The following ETFA variants were observed in gnomAD, a reference collection of about 807,000 sequenced individuals.
ETFA encodes electron transfer flavoprotein subunit alpha, also known as electron transfer flavoprotein subunit alpha, mitochondrial.
ETFA carries 22 observed loss-of-function variants against 46.2 expected under a neutral mutation model. The observed-to-expected ratio is 0.48, with a 90% CI of 0.34 to 0.68. The LOEUF (loss-of-function observed/expected upper bound fraction) is 0.68, where lower values mean the gene tolerates loss of function less well. ETFA is among the 30% of genes least tolerant of loss of function. The pLI is 0.01. For missense variants in ETFA, 345 were observed against 401.1 expected (o/e 0.86, Z 1.19); for synonymous variants, 131 against 139.9 (o/e 0.94, Z 0.45).
At chr15:76,264,128 A>T (rs2039447198) in intron 9 of ETFA, among the ~76,000 whole-genome samples, 1 of 152,264 alleles carries the variant, frequency 6.6e-6, no homozygotes, top group Admixed American at 6.5e-5. Flanking sequence ...TAAGTTTTAA[A>T]GGAATTTAAG....
chr15:76,292,463 G>A lies in ETFA; in HGVS notation c.319C>T (p.His107Tyr). ...LATQKQFNYT[H>Y]ICAGASAFGK... ...AAGGCAGATGCTCCAGCACAGATGTGTGTGTAATTGAACTGCTTCTGAGTT... is the reference window on the plus strand; with the variant it reads ...AAGGCAGATGCTCCAGCACAGATGTATGTGTAATTGAACTGCTTCTGAGTT... Residue 107 changes from histidine to tyrosine, a missense_variant, in exon 4 of 12, where the codon CAC becomes TAC. Physicochemically the swap from His to Tyr is moderately conservative, Grantham distance 83. Coordinates refer to ENST00000557943, the MANE Select transcript of ETFA (RefSeq NM_000126.4). The A allele has an allele frequency of 6.2e-7, 1 of 1,613,712 alleles. No homozygotes were observed. The highest frequency in any genetic ancestry group is 8.5e-7 in the Non-Finnish European group (1 of 1,179,584).
At chr15:76,275,973 GT>G (rs1341668430) in intron 8 of ETFA, among the ~76,000 whole-genome samples, 2 of 152,098 alleles carry the variant, frequency 1.3e-5, no homozygotes, top group African/African-American at 4.8e-5. Context: ...TGAATACAAT[GT>G]TATTATTTTA....
chr15:76,262,686 G>A (rs961453572), intron 9 of ETFA, among the ~76,000 whole-genome samples: 4 of 151,802 alleles, frequency 2.6e-5, no homozygotes, highest in African/African-American at 9.7e-5. Flanking sequence ...GTTTCACCGT[G>A]TAATCCAGGA....
At chr15:76,279,675 A>T (rs778636692) in intron 8 of ETFA, among the ~76,000 whole-genome samples, 1 of 152,180 alleles carries the variant, frequency 6.6e-6, no homozygotes, top group Non-Finnish European at 1.5e-5. Context: ...TAAATCCAAT[A>T]GTCAATCTTC....
intron 9 of ETFA, among the ~76,000 whole-genome samples, chr15:76,244,422 C>T (rs1189814245): frequency 1.3e-5 from 2 of 152,128 alleles, no homozygotes; most frequent in Non-Finnish European, 2.9e-5. Context: ...CCCAAATTTC[C>T]TTTCAGACTA....
intron 1 of ETFA, among the ~76,000 whole-genome samples, chr15:76,306,353 G>A (rs139997620): frequency 0.022 from 3,075 of 139,384 alleles, 101 homozygotes; most frequent in African/African-American, 0.076. Flanking sequence ...TCCAACCTCC[G>A]CCTCCTGGGT....
intron 11 of ETFA, among the ~76,000 whole-genome samples, chr15:76,224,422 A>G (rs1169770403): frequency 6.6e-6 from 1 of 152,178 alleles, no homozygotes; most frequent in East Asian, 1.9e-4. Flanking sequence ...TATGCCCAAC[A>G]CTGAGCCAGA....
intron 9 of ETFA, among the ~76,000 whole-genome samples, chr15:76,257,746 T>C (rs1202162160): frequency 2.0e-5 from 3 of 151,846 alleles, no homozygotes; most frequent in Non-Finnish European, 4.4e-5. Flanking sequence ...CTATTCACAA[T>C]AGAAAAGACT....
chr15:76,243,828 AAAC>A (rs1005436613), intron 9 of ETFA, among the ~76,000 whole-genome samples: 3 of 151,960 alleles, frequency 2.0e-5, no homozygotes, highest in East Asian at 1.9e-4. Context: ...AACAAAAAAA[AAAC>A]AAAGTTTTTT....
intron 9 of ETFA, among the ~76,000 whole-genome samples, chr15:76,269,414 G>C (rs1205550400): frequency 6.6e-6 from 1 of 152,116 alleles, no homozygotes; most frequent in African/African-American, 2.4e-5. Flanking sequence ...GTAGCCATAC[G>C]TTTCAAAGAA....
intron 9 of ETFA, among the ~76,000 whole-genome samples, chr15:76,264,285 A>G (rs1188336603): frequency 6.6e-6 from 1 of 152,268 alleles, no homozygotes; most frequent in African/African-American, 2.4e-5. Context: ...AGTTTAAAAC[A>G]TGGTGGGCTG....
chr15:76,288,333 T>C (rs946708647), intron 4 of ETFA, among the ~76,000 whole-genome samples: 3 of 152,184 alleles, frequency 2.0e-5, no homozygotes, highest in Non-Finnish European at 2.9e-5. Flanking sequence ...AAAAAGATTA[T>C]GCTTGTATAC....
chr15:76,307,256 A>G (rs1237115936), intron 1 of ETFA, among the ~76,000 whole-genome samples: 1 of 152,164 alleles, frequency 6.6e-6, no homozygotes, highest in Admixed American at 6.5e-5. Flanking sequence ...ATGCCTACCT[A>G]TTTGCCTCTT....
At chr15:76,245,254 G>A (rs1419809637) in intron 9 of ETFA, 3 of 152,096 alleles carry the variant, frequency 2.0e-5, no homozygotes, top group Non-Finnish European at 4.4e-5. Flanking sequence ...GTCCTCTTGG[G>A]AACAAAACAT....
At chr15:76,307,199 A>G (rs1248448325) in intron 1 of ETFA, among the ~76,000 whole-genome samples, 1 of 152,196 alleles carries the variant, frequency 6.6e-6, no homozygotes, top group Non-Finnish European at 1.5e-5. Context: ...TTAATAAATA[A>G]CAATAATTAG....
At chr15:76,261,215 G>C (rs2039408756) in intron 9 of ETFA, 1 of 1,551,994 alleles carries the variant, frequency 6.4e-7, no homozygotes, top group East Asian at 2.3e-5. Context: ...GGTTCAGGGG[G>C]ACCCACAGCC....
At position 76,311,350 on chromosome 15, in the gene ETFA, C is replaced by T. The variant is rs776956043; in HGVS notation, c.39G>A (p.Ala13=). ...GTTCGCCTTCCCAGTCCGGACTCAC[C>T]GCCCGCCGGAGCTGCCCCGGAGCCG... The part of the protein sequence containing the change: ...RAAAPGQLRR[A]ASLLRFQSTL... Residue 13 remains alanine, a splice_region_variant and synonymous_variant, in exon 1 of 12, where the codon GCG becomes GCA. Transcript: ENST00000557943. The T allele has an allele frequency of 3.0e-5, 47 of 1,557,556 alleles. No individual in the cohort carries two copies. The highest frequency in any genetic ancestry group is 4.0e-5 in the Non-Finnish European group (46 of 1,151,360).
At chr15:76,297,375 A>C (rs1567219943) in intron 1 of ETFA, among the ~76,000 whole-genome samples, 1 of 151,330 alleles carries the variant, frequency 6.6e-6, no homozygotes, top group Non-Finnish European at 1.5e-5. Context: ...TAATTAAATA[A>C]AATTAATAAA....
intron 9 of ETFA, among the ~76,000 whole-genome samples, chr15:76,250,137 T>C (rs2039283333): frequency 6.6e-6 from 1 of 151,808 alleles, no homozygotes; most frequent in Admixed American, 6.6e-5. Flanking sequence ...ATTCATATAA[T>C]AGAATACCAT....
Sources: gnomAD v4.1 joint callset for allele counts (sites outside exome capture counted in the v4.1 genomes callset) on GRCh38, gnomAD v4.1.1 for gene constraint, MANE v1.5 for transcripts, NCBI Gene and HGNC (gene_info 2026-07-23, HGNC 2026-07-21) for gene names.